Variants in RAB8B observed in about 807,000 individuals in gnomAD.
RAB8B encodes the protein ras-related protein Rab-8B.
In RAB8B, 11 loss-of-function variants were observed where a neutral mutation model predicts 32.0. The observed-to-expected ratio is 0.34, with a 90% CI of 0.22 to 0.57. The LOEUF (loss-of-function observed/expected upper bound fraction) is 0.57, where lower values mean the gene tolerates loss of function less well. RAB8B is among the 20% of genes least tolerant of loss of function. The pLI is 0.86. For synonymous variants in RAB8B, 103 were observed against 89.6 expected (o/e 1.15, Z -0.85); for missense variants, 190 against 258.5 (o/e 0.73, Z 1.82).
chr15:63,266,117 C>T lies in RAB8B; in HGVS notation c.*2498C>T, dbSNP rs1025492273. On this transcript the variant is annotated 3_prime_UTR_variant, in exon 8 of 8. Transcript: ENST00000321437. ...TAATGACAGATAATTGTCTGTTCCC[C>T]GCTGAAACTGAAGAAATCTAGTTTT... is the stretch of plus-strand genomic sequence containing the variant. 4 of 152,592 alleles carry T rather than the reference C, an allele frequency of 2.6e-5. No individual in the cohort carries two copies. The highest frequency in any genetic ancestry group is 2.1e-4 in the South Asian group (1 of 4,810). 9.5% of individuals were successfully genotyped at this position (152,592 alleles called of 1,614,324 possible).
chr15:63,192,032 G>A lies in RAB8B; in HGVS notation c.124+2284G>A, dbSNP rs368671083. Among the ~76,000 whole-genome samples the A allele has an allele frequency of 5.9e-5, 9 of 152,290 alleles. No homozygotes were observed. The East Asian group carries it at 1.5e-3, about 26-fold the overall frequency. The stretch of plus-strand genomic sequence containing the variant: ...AATAGGAAGTGAACATGAAAAGGAG[G>A]TGAATCTCATGTGACATCTTGGTCT... On this transcript the variant is annotated intron_variant, in intron 1 of 7. Transcript: ENST00000321437.
intron 1 of RAB8B, among the ~76,000 whole-genome samples, chr15:63,203,015 A>G (rs766787499): frequency 3.3e-5 from 5 of 152,346 alleles, no homozygotes; most frequent in East Asian, 3.9e-4. Flanking sequence ...TGGTTTCTCT[A>G]TGGCCCAAAA....
intron 1 of RAB8B, among the ~76,000 whole-genome samples, chr15:63,236,871 C>T (rs1374320339): frequency 2.0e-5 from 3 of 151,990 alleles, no homozygotes; most frequent in Non-Finnish European, 4.4e-5. Context: ...TTTTTTGTAC[C>T]CATTAACCAT....
chr15:63,247,828 C>G (rs1190529596), intron 2 of RAB8B, among the ~76,000 whole-genome samples: 2 of 152,156 alleles, frequency 1.3e-5, no homozygotes. Flanking sequence ...CACTCGAGGG[C>G]ATATGTGATG....
rs763936944 is a variant in RAB8B, at chr15:63,265,180, G to A, written c.*1561G>A. 1.3e-5 allele frequency: 2 copies of A among 152,340 alleles called. No homozygotes were observed. The highest frequency in any genetic ancestry group is 1.5e-5 in the Non-Finnish European group (1 of 68,038). 9.4% of individuals were successfully genotyped at this position (152,340 alleles called of 1,614,324 possible). A position where few individuals can be genotyped will look rare whatever the true frequency, so the allele number is the denominator to read the frequency against. ...TATCATGCTGGATAGATAAGAACAGGAGATGGCAGTGGAAAGGGATTGCTT... is the reference window on the plus strand; with the variant it reads ...TATCATGCTGGATAGATAAGAACAGAAGATGGCAGTGGAAAGGGATTGCTT... On this transcript the variant is annotated 3_prime_UTR_variant, in exon 8 of 8. Transcript: ENST00000321437. The surrounding 1 kb of genome is among the most constrained non-coding windows in gnomAD (Gnocchi z 4.9).
intron 1 of RAB8B, among the ~76,000 whole-genome samples, chr15:63,219,584 C>T (rs1367959689): frequency 6.6e-6 from 1 of 151,836 alleles, no homozygotes; most frequent in Non-Finnish European, 1.5e-5. Context: ...ACTTTTGTTT[C>T]AGTTATGTAA....
chr15:63,189,635 C>A lies in RAB8B; in HGVS notation c.11C>A (p.Thr4Lys), dbSNP rs916341534. ...GGCCGGAGCGAGAAGATGGCGAAGACGTACGATTATCTCTTCAAGCTCCTG... is the reference window on the plus strand; with the variant it reads ...GGCCGGAGCGAGAAGATGGCGAAGAAGTACGATTATCTCTTCAAGCTCCTG... MAK[T>K]YDYLFKLLLI... Residue 4 changes from threonine (T) to lysine (K), a missense_variant, in exon 1 of 8, where the codon ACG becomes AAG. Around this residue, in one of 2 missense-constraint regions of RAB8B, gnomAD observed 80 missense variants for 142.6 expected, o/e 0.56. Transcript: ENST00000321437. The A allele has an allele frequency of 3.7e-6, 6 of 1,613,664 alleles. No individual in the cohort carries two copies. In the African/African-American group the frequency reaches 8.0e-5, roughly 22 times the overall value.
At chr15:63,206,403 A>C (rs2141112950) in intron 1 of RAB8B, among the ~76,000 whole-genome samples, 1 of 152,152 alleles carries the variant, frequency 6.6e-6, no homozygotes, top group African/African-American at 2.4e-5. Context: ...AAATCATAGC[A>C]GAAGACTCCC....
chr15:63,212,953 A>G (rs1229884818), intron 1 of RAB8B, among the ~76,000 whole-genome samples: 1 of 152,244 alleles, frequency 6.6e-6, no homozygotes, highest in Non-Finnish European at 1.5e-5. Context: ...TGCCACTGTC[A>G]GTAGTTAACT....
intron 1 of RAB8B, among the ~76,000 whole-genome samples, chr15:63,230,852 T>C (rs2037930735): frequency 6.6e-6 from 1 of 152,194 alleles, no homozygotes; most frequent in Admixed American, 6.5e-5. Context: ...TGTGCCACCA[T>C]GCCCAGCTAA....
At chr15:63,249,209 C>T (rs1992620) in intron 2 of RAB8B, among the ~76,000 whole-genome samples, 57,593 of 151,832 alleles carry the variant, frequency 0.38, 12,306 homozygotes, top group Non-Finnish European at 0.5. Flanking sequence ...AAGTCCAGCT[C>T]GATTGCTTGC....
rs896853664 is a variant in RAB8B at position 63,206,595 on chromosome 15, C to G, written c.124+16847C>G. ...CTTGATGTAATAATACCTTCCCACT[C>G]TCCTGGGACCTGGCCCTGGCAGTCA... On this transcript the variant is annotated intron_variant, in intron 1 of 7. Coordinates refer to ENST00000321437, the MANE Select transcript of RAB8B (RefSeq NM_016530.3). Among the ~76,000 whole-genome samples the G allele has an allele frequency of 3.9e-5, 6 of 152,258 alleles. No individual in the cohort carries two copies. In the South Asian group the frequency reaches 1.2e-3, roughly 32 times the overall value.
chr15:63,231,259 G>A (rs1232002125), intron 1 of RAB8B, among the ~76,000 whole-genome samples: 3 of 152,118 alleles, frequency 2.0e-5, no homozygotes, highest in Non-Finnish European at 2.9e-5. Context: ...ACTATGTAGT[G>A]TTATTACTTA....
In RAB8B at chr15:63,201,381, G is replaced by T. The variant is rs146122438; in HGVS notation, c.124+11633G>T. Among the ~76,000 whole-genome samples, 104 of 152,278 alleles carry T rather than the reference G, an allele frequency of 6.8e-4. 2 individuals carry two copies. In the East Asian group the frequency reaches 0.018, roughly 27 times the overall value. Reference sequence around the variant, plus strand: ...GGTAGAATGGAAGAGAGTAAGGAAGGGAGGCTCTCTGGGCAGAGCCACTCC... The same window carrying T: ...GGTAGAATGGAAGAGAGTAAGGAAGTGAGGCTCTCTGGGCAGAGCCACTCC... On this transcript the variant is annotated intron_variant, in intron 1 of 7. Transcript: ENST00000321437.
intron 1 of RAB8B, among the ~76,000 whole-genome samples, chr15:63,192,341 G>A (rs939788837): frequency 2.6e-5 from 4 of 152,218 alleles, no homozygotes; most frequent in Admixed American, 6.5e-5. Flanking sequence ...TATAGATTTT[G>A]AGTGTTGACA....
intron 1 of RAB8B, among the ~76,000 whole-genome samples, chr15:63,216,859 CAA>C (rs36022071): frequency 5.6e-4 from 33 of 59,334 alleles, no homozygotes; most frequent in Non-Finnish European, 5.0e-4. Context: ...GACTCTGTCT[CAA>C]AAAAAAAAAA....
chr15:63,213,024 C>CT lies in RAB8B; in HGVS notation c.124+23277dup, dbSNP rs570390580. Among the ~76,000 whole-genome samples the CT allele has an allele frequency of 4.6e-4, 70 of 152,328 alleles. No individual in the cohort carries two copies. The East Asian group carries it at 0.011, about 24-fold the overall frequency. On this transcript the variant is annotated intron_variant, in intron 1 of 7. Coordinates refer to ENST00000321437, the MANE Select transcript of RAB8B (RefSeq NM_016530.3). The stretch of plus-strand genomic sequence containing the variant: ...AGAGGCCTAAAGCATGTTTTAGTGT[C>CT]TAAGTCTTCCCTCCCTCCCTCTCTT...
chr15:63,226,559 A>C (rs2037890390), intron 1 of RAB8B, among the ~76,000 whole-genome samples: 1 of 152,204 alleles, frequency 6.6e-6, no homozygotes, highest in African/African-American at 2.4e-5. Context: ...AATTCATGCC[A>C]AGATCTGCCG....
intron 1 of RAB8B, among the ~76,000 whole-genome samples, chr15:63,237,342 A>G (rs559554660): frequency 6.6e-6 from 1 of 152,298 alleles, no homozygotes; most frequent in East Asian, 1.9e-4. Flanking sequence ...ACTAATTTGC[A>G]TTCCCACCCA....
Sources: allele counts gnomAD v4.1 joint callset (sites outside exome capture counted in the v4.1 genomes callset), GRCh38; gene constraint gnomAD v4.1.1; regional missense constraint gnomAD v4.1.1; non-coding constraint Gnocchi (gnomAD v3.1); transcripts MANE v1.5; gene names NCBI Gene and HGNC (gene_info 2026-07-23, HGNC 2026-07-21).